The following EEFSEC variants were observed in gnomAD, a reference collection of about 807,000 sequenced individuals.
EEFSEC encodes selenocysteine-specific elongation factor.
EEFSEC carries 43 observed loss-of-function variants against 42.1 expected under a neutral mutation model. The observed-to-expected ratio is 1.02, with a 90% CI of 0.80 to 1.32. The LOEUF (loss-of-function observed/expected upper bound fraction) is 1.32, where lower values mean the gene tolerates loss of function less well. Among genes scored for constraint, EEFSEC ranks in the 40% most tolerant of loss-of-function variants. The pLI, the probability that EEFSEC is intolerant of heterozygous loss-of-function variation, is 0.00. For synonymous variants in EEFSEC, 354 were observed against 339.1 expected (o/e 1.04, Z -0.48); for missense variants, 745 against 803.6 (o/e 0.93, Z 0.88).
At chr3:128,407,216 C>T (rs2068125794) in intron 6 of EEFSEC, among the ~76,000 whole-genome samples, 1 of 152,208 alleles carries the variant, frequency 6.6e-6, no homozygotes, top group Non-Finnish European at 1.5e-5. Context: ...GGGAGTTGAA[C>T]AAAAGGTCTT....
At chr3:128,236,478 A>G (rs1306604160) in intron 1 of EEFSEC, among the ~76,000 whole-genome samples, 3 of 152,222 alleles carry the variant, frequency 2.0e-5, no homozygotes, top group Non-Finnish European at 2.9e-5. Context: ...AGGGCTAGGC[A>G]GGCCGAACAC....
chr3:128,326,507 C>T (rs923007056), intron 4 of EEFSEC, among the ~76,000 whole-genome samples: 7 of 152,154 alleles, frequency 4.6e-5, no homozygotes, highest in African/African-American at 1.4e-4. Context: ...TCTGGCTTCT[C>T]ATCTTATGGT....
the EEFSEC span, among the ~76,000 whole-genome samples, chr3:128,421,639 C>T: frequency 6.6e-6 from 1 of 152,140 alleles, no homozygotes; most frequent in Non-Finnish European, 1.5e-5. Flanking sequence ...GACGACCTCC[C>T]GGTGCACAGA....
At chr3:128,320,378 C>T (rs1032170713) in intron 4 of EEFSEC, among the ~76,000 whole-genome samples, 8 of 152,180 alleles carry the variant, frequency 5.3e-5, no homozygotes, top group East Asian at 3.8e-4. Context: ...TAGTTTTAAT[C>T]GCTAATTTAT....
intron 6 of EEFSEC, among the ~76,000 whole-genome samples, chr3:128,388,982 G>A (rs2067875092): frequency 6.6e-6 from 1 of 152,196 alleles, no homozygotes; most frequent in South Asian, 2.1e-4. Flanking sequence ...CTCATGTGGT[G>A]CTGGGACCCA....
intron 1 of EEFSEC, among the ~76,000 whole-genome samples, chr3:128,177,038 C>G (rs893645453): frequency 6.6e-6 from 1 of 150,910 alleles, no homozygotes; most frequent in African/African-American, 2.5e-5. Context: ...GCTCTGTCAC[C>G]CAGGCTGGAG....
rs746972285 is a variant in EEFSEC at position 128,246,838 on chromosome 3, G to T, written c.319G>T (p.Ala107Ser). Residue 107 changes from alanine to serine, a missense_variant and splice_region_variant, in exon 2 of 7, where the codon GCC becomes TCC. Physicochemically the swap from Ala to Ser is moderately conservative, Grantham distance 99. Coordinates refer to ENST00000254730, the MANE Select transcript of EEFSEC (RefSeq NM_021937.5). ...AACCTTCTCTTCTCTTATTCCAGGG[G>T]CCCAGATCATTGATCTGATGATGCT... ...ASLIRTIIGGAQIIDLMMLVI... is the reference protein window; with the variant it reads ...ASLIRTIIGGSQIIDLMMLVI... 1.1e-5 allele frequency: 17 copies of T among 1,613,516 alleles called. No individual in the cohort carries two copies. The highest frequency in any genetic ancestry group is 1.4e-5 in the Non-Finnish European group (17 of 1,179,878).
intron 1 of EEFSEC, among the ~76,000 whole-genome samples, chr3:128,197,141 G>A (rs2065593491): frequency 2.6e-5 from 4 of 152,194 alleles, no homozygotes; most frequent in Admixed American, 2.6e-4. Context: ...TCCCTCTAGT[G>A]TTGGTTGTTT....
chr3:128,240,421 T>C (rs1197195945), intron 1 of EEFSEC, among the ~76,000 whole-genome samples: 18 of 152,322 alleles, frequency 1.2e-4, no homozygotes, highest in Admixed American at 9.1e-4. Flanking sequence ...TATCCAAGCT[T>C]GGGGACCTCC....
intron 4 of EEFSEC, among the ~76,000 whole-genome samples, chr3:128,267,051 G>A (rs1462708155): frequency 1.3e-5 from 2 of 152,094 alleles, no homozygotes; most frequent in Non-Finnish European, 2.9e-5. Context: ...GGACCTGGGA[G>A]TATGAAAGAG....
the EEFSEC span, among the ~76,000 whole-genome samples, chr3:128,414,186 C>A: frequency 1.3e-5 from 2 of 152,202 alleles, no homozygotes; most frequent in African/African-American, 4.8e-5. Context: ...TCTGGGACCC[C>A]CGGGCAACCT....
intron 5 of EEFSEC, among the ~76,000 whole-genome samples, chr3:128,349,415 T>C (rs999535673): frequency 6.6e-6 from 1 of 152,178 alleles, no homozygotes; most frequent in African/African-American, 2.4e-5. Context: ...GCCGCAGAGC[T>C]CAATGGTCTG....
At chr3:128,278,456 G>T (rs2107960985) in intron 4 of EEFSEC, among the ~76,000 whole-genome samples, 1 of 152,288 alleles carries the variant, frequency 6.6e-6, no homozygotes, top group African/African-American at 2.4e-5. Flanking sequence ...AGTGAACAGA[G>T]CCAGGAGTAT....
intron 1 of EEFSEC, among the ~76,000 whole-genome samples, chr3:128,239,884 C>T (rs1047669242): frequency 6.6e-6 from 1 of 152,234 alleles, no homozygotes; most frequent in Admixed American, 6.5e-5. Flanking sequence ...CTCCTTTGGC[C>T]ACCTGGTCCC....
chr3:128,420,276 A>T, the EEFSEC span, among the ~76,000 whole-genome samples: 2 of 152,374 alleles, frequency 1.3e-5, no homozygotes, highest in East Asian at 3.9e-4. Flanking sequence ...GATGACGAGG[A>T]TCATTTCAAT....
At chr3:128,333,437 G>A (rs1179010047) in intron 4 of EEFSEC, among the ~76,000 whole-genome samples, 3 of 152,216 alleles carry the variant, frequency 2.0e-5, no homozygotes, top group Non-Finnish European at 4.4e-5. Flanking sequence ...GTGGTGGAGT[G>A]TGTTTTTCTG....
intron 6 of EEFSEC, among the ~76,000 whole-genome samples, chr3:128,378,944 G>A (rs80165519): frequency 1.4e-4 from 21 of 152,364 alleles, no homozygotes; most frequent in African/African-American, 5.1e-4. Flanking sequence ...TGGTCGGCCA[G>A]GGAGACTCTG....
At chr3:128,376,740 A>G (rs567686103) in intron 6 of EEFSEC, among the ~76,000 whole-genome samples, 106 of 152,308 alleles carry the variant, frequency 7.0e-4, no homozygotes, top group Non-Finnish European at 1.0e-3. Flanking sequence ...AGCAGTGAGC[A>G]TATCAGGATT....
intron 1 of EEFSEC, among the ~76,000 whole-genome samples, chr3:128,160,548 C>T (rs1003788299): frequency 6.6e-6 from 1 of 152,080 alleles, no homozygotes; most frequent in Non-Finnish European, 1.5e-5. Context: ...TAGAAAGTTG[C>T]AGGATTGCTG....
Sources: gnomAD v4.1 joint callset for allele counts (sites outside exome capture counted in the v4.1 genomes callset) on GRCh38, gnomAD v4.1.1 for gene constraint, MANE v1.5 for transcripts, NCBI Gene and HGNC (gene_info 2026-07-23, HGNC 2026-07-21) for gene names.